The following CSMD3 variants were observed in gnomAD, a reference collection of about 807,000 sequenced individuals.
CSMD3 encodes the protein CUB and Sushi multiple domains 3, also known as CUB and sushi domain-containing protein 3.
In CSMD3, 177 loss-of-function variants were observed where a neutral mutation model predicts 435.2. That is an observed-to-expected ratio of 0.41 (90% CI 0.36 to 0.46). CSMD3 has a LOEUF of 0.46. Among genes scored for constraint, CSMD3 ranks in the 20% least tolerant of loss-of-function variants. The pLI, the probability that CSMD3 is intolerant of heterozygous loss-of-function variation, is 0.34. For missense variants in CSMD3, 4,265 were observed against 4,504.6 expected, an observed-to-expected ratio of 0.95 and a Z score of 1.52; for synonymous variants, 1,656 against 1,520.5, an observed-to-expected ratio of 1.09 and a Z score of -2.07.
chr8:113,303,444 G>T (rs1283556368), intron 2 of CSMD3, among the ~76,000 whole-genome samples: 2 of 151,932 alleles, frequency 1.3e-5, no homozygotes, highest in East Asian at 3.9e-4. Flanking sequence ...AAAAGAGCCC[G>T]CATCACCAAG....
chr8:113,358,521 T>C (rs987806206), intron 1 of CSMD3, among the ~76,000 whole-genome samples: 7 of 152,190 alleles, frequency 4.6e-5, no homozygotes, highest in Non-Finnish European at 1.0e-4. Context: ...CTTAGCTAAT[T>C]TTTGTATATT....
intron 40 of CSMD3, among the ~76,000 whole-genome samples, chr8:112,347,152 T>G (rs72674720): frequency 3.6e-4 from 55 of 152,258 alleles, no homozygotes; most frequent in Admixed American, 9.8e-4. Context: ...TGTCTTGGAA[T>G]CCCTATTATA....
chr8:113,247,592 A>T (rs1157511652), intron 3 of CSMD3, among the ~76,000 whole-genome samples: 1 of 152,104 alleles, frequency 6.6e-6, no homozygotes, highest in Non-Finnish European at 1.5e-5. Flanking sequence ...GAATTTTGAC[A>T]ATTTTTGCCA....
intron 3 of CSMD3, among the ~76,000 whole-genome samples, chr8:113,237,320 T>A (rs2093161688): frequency 1.3e-5 from 2 of 152,078 alleles, no homozygotes; most frequent in Non-Finnish European, 2.9e-5. Context: ...TGGTCAACAG[T>A]GGTGAATTAC....
intron 13 of CSMD3, among the ~76,000 whole-genome samples, chr8:112,726,324 T>A (rs1353227511): frequency 1.3e-5 from 2 of 151,924 alleles, no homozygotes; most frequent in African/African-American, 2.4e-5. Flanking sequence ...AATAACTATA[T>A]ACTTGCTTGT....
At chr8:113,065,721 C>T (rs975757837) in intron 5 of CSMD3, among the ~76,000 whole-genome samples, 5 of 152,098 alleles carry the variant, frequency 3.3e-5, no homozygotes, top group Non-Finnish European at 5.9e-5. Flanking sequence ...ATTATCTGGT[C>T]TTTATCATAT....
intron 2 of CSMD3, among the ~76,000 whole-genome samples, chr8:113,300,596 C>T (rs1377153261): frequency 6.6e-6 from 1 of 152,032 alleles, no homozygotes; most frequent in Non-Finnish European, 1.5e-5. Context: ...AACAGAAAAC[C>T]AAATACCACA....
At chr8:113,142,037 T>G (rs1242553736) in intron 4 of CSMD3, among the ~76,000 whole-genome samples, 1 of 151,010 alleles carries the variant, frequency 6.6e-6, no homozygotes, top group Non-Finnish European at 1.5e-5. Context: ...TACAAATAGG[T>G]TGAAATACTT....
chr8:112,584,532 AATAGATGTAGATAC>A (rs1830569890), intron 23 of CSMD3, among the ~76,000 whole-genome samples: 1 of 151,792 alleles, frequency 6.6e-6, no homozygotes, highest in Non-Finnish European at 1.5e-5. Flanking sequence ...TTTGCATGGA[AATAGATGTAGATAC>A]ACACATATAT....
At position 112,599,687 on chromosome 8, in the gene CSMD3, C is replaced by T. The variant is rs1017249070; in HGVS notation, c.3716-12452G>A. Among the ~76,000 whole-genome samples, 449 of 151,128 alleles carry T rather than the reference C, an allele frequency of 3.0e-3. 2 individuals carry two copies. The highest frequency in any genetic ancestry group is 0.01 in the African/African-American group (428 of 41,172). ...ATATACACCATGGAATACTATGCAG[C>T]CATAAAAAATGATGAGTTCATGTCC... On this transcript the variant is annotated intron_variant, in intron 22 of 70. Coordinates refer to ENST00000297405, the MANE Select transcript of CSMD3 (RefSeq NM_198123.2).
Position 112,492,512 on chromosome 8 carries a change from T to G in CSMD3, c.5255A>C (p.Asn1752Thr). 1 of 1,613,982 alleles carries G rather than the reference T, an allele frequency of 6.2e-7. No individual in the cohort carries two copies. The highest frequency in any genetic ancestry group is 8.5e-7 in the Non-Finnish European group (1 of 1,179,862). Reference protein sequence around the residue: ...IMGDDGRPGWNRALPSCHAPC... With the variant: ...IMGDDGRPGWTRALPSCHAPC... ...ACCATGACAACTTGGCAAGGCTCTA[T>G]TCCATCCAGGTCTTCCATCATCTCC... Residue 1752 changes from asparagine (N) to threonine (T), a missense_variant, in exon 31 of 71, where the codon AAT becomes ACT. This residue lies in a region of CSMD3 where 3,255 missense variants were observed against 3,380.2 expected (regional missense o/e 0.96). Coordinates refer to ENST00000297405, the MANE Select transcript of CSMD3 (RefSeq NM_198123.2).
intron 22 of CSMD3, among the ~76,000 whole-genome samples, chr8:112,613,415 T>C (rs976730996): frequency 6.6e-5 from 10 of 152,204 alleles, no homozygotes; most frequent in African/African-American, 1.9e-4. Context: ...ATTTAAATCA[T>C]GCACATTTGA....
intron 5 of CSMD3, among the ~76,000 whole-genome samples, chr8:113,087,808 C>T (rs867682766): frequency 1.3e-5 from 2 of 152,164 alleles, no homozygotes; most frequent in Admixed American, 6.5e-5. Flanking sequence ...GCAGGGACTT[C>T]ATGTCTAAAA....
chr8:113,255,190 T>C (rs1665859474), intron 3 of CSMD3, among the ~76,000 whole-genome samples: 1 of 152,212 alleles, frequency 6.6e-6, no homozygotes, highest in Admixed American at 6.5e-5. Context: ...AAATATAAAA[T>C]TGGATGTTTA....
chr8:112,790,120 T>C (rs2078649270), intron 13 of CSMD3, among the ~76,000 whole-genome samples: 1 of 151,952 alleles, frequency 6.6e-6, no homozygotes, highest in South Asian at 2.1e-4. Context: ...TACTGTGGGG[T>C]TGCAATGATG....
chr8:112,372,970 AATAT>A (rs374350164), intron 38 of CSMD3, among the ~76,000 whole-genome samples: 26,568 of 144,754 alleles, frequency 0.18, 2,940 homozygotes, highest in Middle Eastern at 0.36. Context: ...CAGCAGAAAA[AATAT>A]ATATATATAT....
intron 3 of CSMD3, among the ~76,000 whole-genome samples, chr8:113,234,133 C>A (rs986759224): frequency 6.6e-6 from 1 of 152,076 alleles, no homozygotes; most frequent in Non-Finnish European, 1.5e-5. Flanking sequence ...TGTTGTTGCT[C>A]AGAAGACATG....
intron 10 of CSMD3, among the ~76,000 whole-genome samples, chr8:112,868,465 G>C (rs982863748): frequency 2.0e-5 from 3 of 152,094 alleles, no homozygotes; most frequent in African/African-American, 7.2e-5. Flanking sequence ...TGCAGCAGTT[G>C]GTTTGTTTAC....
intron 4 of CSMD3, among the ~76,000 whole-genome samples, chr8:113,149,061 G>T (rs1462937773): frequency 6.6e-6 from 1 of 151,648 alleles, no homozygotes; most frequent in Non-Finnish European, 1.5e-5. Flanking sequence ...GTATTTTATG[G>T]AATCAAGATC....
Sources: allele counts gnomAD v4.1 joint callset (sites outside exome capture counted in the v4.1 genomes callset), GRCh38; gene constraint gnomAD v4.1.1; regional missense constraint gnomAD v4.1.1; transcripts MANE v1.5; gene names NCBI Gene and HGNC (gene_info 2026-07-23, HGNC 2026-07-21).